Variants in EPB41L5 observed in about 807,000 individuals in gnomAD.
The protein encoded by EPB41L5 is erythrocyte membrane protein band 4.1 like 5, also known as band 4.1-like protein 5.
Under a neutral mutation model 106.6 loss-of-function variants are expected in EPB41L5, and 55 were observed. That is an observed-to-expected ratio of 0.52 (90% CI 0.42 to 0.65). The LOEUF (loss-of-function observed/expected upper bound fraction) is 0.65. Among genes scored for constraint, EPB41L5 ranks in the 30% least tolerant of loss-of-function variants. The pLI is 0.00. For missense variants in EPB41L5, 871 were observed against 882.1 expected, an observed-to-expected ratio of 0.99 and a Z score of 0.16; for synonymous variants, 297 against 306.7, an observed-to-expected ratio of 0.97 and a Z score of 0.33.
At chr2:120,045,150 A>G (rs1225087516) in intron 3 of EPB41L5, among the ~76,000 whole-genome samples, 1 of 152,204 alleles carries the variant, frequency 6.6e-6, no homozygotes. Flanking sequence ...TTAATGTGCC[A>G]CATTTTAGTT....
chr2:120,059,262 G>T (rs943285105), intron 3 of EPB41L5, among the ~76,000 whole-genome samples: 6 of 152,088 alleles, frequency 3.9e-5, no homozygotes, highest in African/African-American at 1.4e-4. Context: ...AAAAAGTGCT[G>T]GAGCAGCTGG....
At chr2:120,014,551 A>G (rs1322045212) in intron 1 of EPB41L5, among the ~76,000 whole-genome samples, 1 of 152,224 alleles carries the variant, frequency 6.6e-6, no homozygotes. Flanking sequence ...AAAGGCTAAG[A>G]GTACTGAAAG....
chr2:120,035,368 G>A (rs1266658962), intron 2 of EPB41L5, among the ~76,000 whole-genome samples: 1 of 152,042 alleles, frequency 6.6e-6, no homozygotes, highest in Non-Finnish European at 1.5e-5. Flanking sequence ...CAAAGTGCTG[G>A]GATTGTAGGC....
At chr2:120,062,821 C>G (rs1273984958) in intron 3 of EPB41L5, among the ~76,000 whole-genome samples, 2 of 138,478 alleles carry the variant, frequency 1.4e-5, no homozygotes, top group African/African-American at 5.1e-5. Flanking sequence ...TTTCTAGAGA[C>G]TGGATTTGAA....
At chr2:120,020,422 A>G (rs1361137208) in intron 2 of EPB41L5, among the ~76,000 whole-genome samples, 1 of 152,214 alleles carries the variant, frequency 6.6e-6, no homozygotes, top group Non-Finnish European at 1.5e-5. Flanking sequence ...AGAATATGAT[A>G]AAATTAATCA....
At chr2:120,130,061 A>C (rs1685626511) in intron 17 of EPB41L5, among the ~76,000 whole-genome samples, 1 of 149,520 alleles carries the variant, frequency 6.7e-6, no homozygotes, top group South Asian at 2.1e-4. Context: ...CAGGAGAATC[A>C]GTTGAACCCG....
At chr2:120,119,875 G>A (rs529066612) in intron 16 of EPB41L5, among the ~76,000 whole-genome samples, 2 of 152,074 alleles carry the variant, frequency 1.3e-5, no homozygotes, top group Non-Finnish European at 2.9e-5. Context: ...ATGATTTTCA[G>A]CTCAATATAA....
At chr2:120,071,543 A>G (rs1032680725) in intron 3 of EPB41L5, among the ~76,000 whole-genome samples, 5 of 152,252 alleles carry the variant, frequency 3.3e-5, no homozygotes, top group African/African-American at 9.6e-5. Flanking sequence ...ACAAGGCTAC[A>G]GTAACCAAAA....
chr2:120,085,736 A>G (rs1683011695), intron 10 of EPB41L5, among the ~76,000 whole-genome samples: 1 of 152,216 alleles, frequency 6.6e-6, no homozygotes, highest in African/African-American at 2.4e-5. Context: ...GAAGAACCTC[A>G]GGCAATTATC....
intron 3 of EPB41L5, among the ~76,000 whole-genome samples, chr2:120,045,261 C>T (rs1679689025): frequency 6.6e-6 from 1 of 152,126 alleles, no homozygotes; most frequent in Non-Finnish European, 1.5e-5. Context: ...CCAAAGTTCA[C>T]TTTTCTTCTT....
intron 16 of EPB41L5, among the ~76,000 whole-genome samples, chr2:120,107,427 A>G (rs1385479474): frequency 6.6e-6 from 1 of 152,174 alleles, no homozygotes; most frequent in Non-Finnish European, 1.5e-5. Flanking sequence ...CTTTCCCACC[A>G]CATTCTTCCT....
chr2:120,164,879 A>C lies in EPB41L5; in HGVS notation c.1931A>C (p.Glu644Ala), dbSNP rs868590990. The C allele has an allele frequency of 2.5e-5, 41 of 1,611,474 alleles. No homozygotes were observed. In the African/African-American group the frequency reaches 2.8e-4, roughly 11 times the overall value. Residue 644 changes from glutamate to alanine, a missense_variant, in exon 22 of 25, where the codon GAG becomes GCG. Transcript: ENST00000263713. ...ELDALLASLT[E>A]NLIDHTVAPQ... The stretch of plus-strand genomic sequence containing the variant: ...GATGCCTTGCTTGCATCTCTAACTG[A>C]GAATCTAATTGATCACACAGTTGCA...
At chr2:120,132,228 A>G (rs934729171) in intron 18 of EPB41L5, among the ~76,000 whole-genome samples, 21 of 152,306 alleles carry the variant, frequency 1.4e-4, no homozygotes, top group Admixed American at 4.6e-4. Context: ...TCTTATTTCT[A>G]TGTTAAGTAA....
At chr2:120,141,387 A>G (rs1686166220) in intron 18 of EPB41L5, among the ~76,000 whole-genome samples, 1 of 152,108 alleles carries the variant, frequency 6.6e-6, no homozygotes, top group African/African-American at 2.4e-5. Flanking sequence ...TTTTTGAAAG[A>G]CAAAATCAGG....
chr2:120,175,135 AC>A lies in EPB41L5; in HGVS notation c.*229del. 2 of 501,636 alleles carry A rather than the reference AC, an allele frequency of 4.0e-6. No individual in the cohort carries two copies. The highest frequency in any genetic ancestry group is 7.2e-6 in the Non-Finnish European group (2 of 276,282). 31.1% of individuals were successfully genotyped at this position (501,636 alleles called of 1,614,324 possible). On this transcript the variant is annotated 3_prime_UTR_variant, in exon 25 of 25. Coordinates refer to ENST00000263713, the MANE Select transcript of EPB41L5 (RefSeq NM_020909.4). ...GAGTGTTTGGTCTTGAACTTTCTAT[AC>A]TTTTATAAATGTTACAAATTCCCGA...
Position 120,106,623 on chromosome 2 carries a change from G to A in EPB41L5, c.1337+5809G>A, listed in dbSNP as rs768031446. The A allele has an allele frequency of 7.1e-6, 7 of 984,284 alleles. No individual in the cohort carries two copies. The African/African-American group carries it at 8.7e-5, about 12-fold the overall frequency. The allele number at this position is 984,284 out of a possible 1,614,324, so 61.0% of individuals were successfully genotyped here. ...TAAGTATTATGTCATTTAATTTACA[G>A]TGCTTTGGCTAATTTTATTTAACTT... On this transcript the variant is annotated intron_variant, in intron 16 of 24. Transcript: ENST00000263713.
chr2:120,093,321 T>C (rs758611172), intron 14 of EPB41L5, 45 bp downstream of exon 14: 1 of 1,504,868 alleles, frequency 6.6e-7, no homozygotes, highest in African/African-American at 1.4e-5. Flanking sequence ...GAATTTGGGA[T>C]TTATGTAGTT....
chr2:120,145,924 G>A (rs1293245823), intron 19 of EPB41L5, among the ~76,000 whole-genome samples: 2 of 146,126 alleles, frequency 1.4e-5, no homozygotes, highest in Non-Finnish European at 3.0e-5. Context: ...CCAGCCTGGG[G>A]GACAGAGTGA....
intron 3 of EPB41L5, among the ~76,000 whole-genome samples, chr2:120,047,356 C>T (rs909005800): frequency 6.6e-6 from 1 of 152,048 alleles, no homozygotes; most frequent in Non-Finnish European, 1.5e-5. Flanking sequence ...GTTTGTAGTT[C>T]TCCTTGAAGA....
Sources: gnomAD v4.1 joint callset for allele counts (sites outside exome capture counted in the v4.1 genomes callset) on GRCh38, gnomAD v4.1.1 for gene constraint, MANE v1.5 for transcripts, NCBI Gene and HGNC (gene_info 2026-07-23, HGNC 2026-07-21) for gene names.